Variants in AK9 observed in about 807,000 individuals in gnomAD.
AK9 encodes adenylate kinase domain containing 1.
Under a neutral mutation model 239.6 loss-of-function variants are expected in AK9, and 191 were observed. That is an observed-to-expected ratio of 0.80 (90% CI 0.71 to 0.90). The LOEUF is 0.90. Ranked by LOEUF, AK9 falls within the 40% of genes least tolerant of loss-of-function variation. The pLI, the probability that AK9 is intolerant of heterozygous loss-of-function variation, is 0.00. For missense variants in AK9, 1,995 were observed against 2,214.7 expected (o/e 0.90, Z 1.99); for synonymous variants, 689 against 721.0 (o/e 0.96, Z 0.71).
At chr6:109,629,888 C>T (rs1241096673) in intron 12 of AK9, among the ~76,000 whole-genome samples, 1 of 152,126 alleles carries the variant, frequency 6.6e-6, no homozygotes, top group Non-Finnish European at 1.5e-5. Flanking sequence ...CCGCCTCGGC[C>T]TCCCAACGTG....
rs189896751 is a variant in AK9, at chr6:109,525,129, C to T, written c.3633+3882G>A. Among the ~76,000 whole-genome samples the T allele has an allele frequency of 1.1e-3, 174 of 152,230 alleles. 2 individuals carry two copies. The highest frequency in any genetic ancestry group is 3.4e-3 in the Middle Eastern group (1 of 294). ...CCATTTATTTACTAGGGAGTCATTTCCCCATTGCTTGTTATTGTCGACCTT... is the reference window on the plus strand; with the variant it reads ...CCATTTATTTACTAGGGAGTCATTTTCCCATTGCTTGTTATTGTCGACCTT... On this transcript the variant is annotated intron_variant, in intron 29 of 40. Coordinates refer to ENST00000424296, the MANE Select transcript of AK9 (RefSeq NM_001145128.3).
chr6:109,579,990 CTGTA>C (rs1404417699), intron 19 of AK9, among the ~76,000 whole-genome samples: 1 of 151,998 alleles, frequency 6.6e-6, no homozygotes, highest in Non-Finnish European at 1.5e-5. Context: ...AAATATAAAA[CTGTA>C]TGTATAATAT....
At chr6:109,581,906 TG>T (rs1788911559) in intron 19 of AK9, among the ~76,000 whole-genome samples, 1 of 152,194 alleles carries the variant, frequency 6.6e-6, no homozygotes, top group South Asian at 2.1e-4. Flanking sequence ...ATTAAGGGCT[TG>T]TGCAGCTGGT....
intron 29 of AK9, among the ~76,000 whole-genome samples, chr6:109,525,201 C>T (rs1316332841): frequency 5.3e-5 from 8 of 152,108 alleles, no homozygotes; most frequent in African/African-American, 1.9e-4. Flanking sequence ...TTCTGAGTTC[C>T]ATTGCTCTAT....
chr6:109,584,281 T>C (rs983280623), intron 19 of AK9, among the ~76,000 whole-genome samples: 7 of 152,044 alleles, frequency 4.6e-5, no homozygotes, highest in African/African-American at 1.7e-4. Context: ...AGAGCTCTCC[T>C]AAGTCTCAGC....
At chr6:109,572,246 C>T (rs1204375778) in intron 21 of AK9, among the ~76,000 whole-genome samples, 1 of 152,226 alleles carries the variant, frequency 6.6e-6, no homozygotes, top group Non-Finnish European at 1.5e-5. Flanking sequence ...TCCCTCAACC[C>T]CCCTCTCGTC....
intron 8 of AK9, among the ~76,000 whole-genome samples, chr6:109,648,612 CAA>C (rs957962829): frequency 6.6e-6 from 1 of 152,120 alleles, no homozygotes; most frequent in Non-Finnish European, 1.5e-5. Flanking sequence ...GCTTACCAAA[CAA>C]AAAGAGTCCA....
intron 29 of AK9, chr6:109,528,214 G>T (rs899800643): frequency 3.1e-6 from 1 of 324,342 alleles, no homozygotes; most frequent in South Asian, 2.5e-5. Context: ...ACTCCCAAGG[G>T]CTTAAAGTAG....
chr6:109,562,303 G>A (rs1785877713), intron 24 of AK9, among the ~76,000 whole-genome samples: 1 of 152,010 alleles, frequency 6.6e-6, no homozygotes, highest in Non-Finnish European at 1.5e-5. Context: ...TACCATTAAT[G>A]TATATTTCAT....
chr6:109,663,580 A>G (rs1800748051), intron 5 of AK9, among the ~76,000 whole-genome samples: 1 of 152,186 alleles, frequency 6.6e-6, no homozygotes, highest in South Asian at 2.1e-4. Context: ...TTTCTTGATG[A>G]GAGTGGTGGT....
In AK9 at chr6:109,516,649, A is replaced by T; in HGVS notation, c.3634-7T>A. Reference sequence around the variant, plus strand: ...CATCATCTCTAACAACATTCTAAGGAAGAAAATATTCCCTTTTACTATACA... The same window carrying T: ...CATCATCTCTAACAACATTCTAAGGTAGAAAATATTCCCTTTTACTATACA... On this transcript the variant is annotated splice_region_variant and splice_polypyrimidine_tract_variant and intron_variant, in intron 29 of 40. Coordinates refer to ENST00000424296, the MANE Select transcript of AK9 (RefSeq NM_001145128.3). 1 of 1,542,558 alleles carries T rather than the reference A, an allele frequency of 6.5e-7. No homozygotes were observed. The highest frequency in any genetic ancestry group is 1.2e-5 in the South Asian group (1 of 83,902).
intron 2 of AK9, 133 bp downstream of exon 2, chr6:109,675,496 A>G (rs746879101): frequency 6.2e-5 from 35 of 562,276 alleles, no homozygotes; most frequent in Non-Finnish European, 9.9e-5. Flanking sequence ...GCAGATTTTA[A>G]GTCATATAAT....
At chr6:109,588,079 T>G (rs1193954120) in intron 17 of AK9, among the ~76,000 whole-genome samples, 1 of 149,898 alleles carries the variant, frequency 6.7e-6, no homozygotes, top group Non-Finnish European at 1.5e-5. Flanking sequence ...GCTGCCTTCT[T>G]TTTTTTTTTG....
Position 109,550,004 on chromosome 6 carries a change from C to A in AK9, c.2964+86G>T. 13 of 1,384,850 alleles carry A rather than the reference C, an allele frequency of 9.4e-6. No homozygotes were observed. In the South Asian group the frequency reaches 1.6e-4, roughly 17 times the overall value. The allele number at this position is 1,384,850 out of a possible 1,614,324, so 85.8% of individuals were successfully genotyped here. Reference sequence around the variant, plus strand: ...TATTGTAATATCAGATTGGGGATTTCACCCTTAAGTAAATTGATGGTGATT... The same window carrying A: ...TATTGTAATATCAGATTGGGGATTTAACCCTTAAGTAAATTGATGGTGATT... On this transcript the variant is annotated intron_variant, in intron 25 of 40. Transcript: ENST00000424296.
At chr6:109,527,028 T>C (rs1274052364) in intron 29 of AK9, among the ~76,000 whole-genome samples, 1 of 152,098 alleles carries the variant, frequency 6.6e-6, no homozygotes, top group Non-Finnish European at 1.5e-5. Flanking sequence ...TGTGCTCACT[T>C]GCTCCCCGGG....
chr6:109,533,535 T>A, intron 27 of AK9, 65 bp from the exon 28 acceptor site: 1 of 1,290,766 alleles, frequency 7.7e-7, no homozygotes, highest in Non-Finnish European at 1.1e-6. Context: ...GTTCATTAAT[T>A]TGACTGTAAT....
At chr6:109,516,122 C>T in intron 30 of AK9, 47 bp from the exon 31 acceptor site, 1 of 1,458,758 alleles carries the variant, frequency 6.9e-7, no homozygotes, top group Non-Finnish European at 9.3e-7. Context: ...GAGAAAAAGG[C>T]TGGTAGTATT....
At chr6:109,675,481 T>C (rs1248215218) in intron 2 of AK9, 148 bp downstream of exon 2, 1 of 536,212 alleles carries the variant, frequency 1.9e-6, no homozygotes, top group Non-Finnish European at 3.2e-6. Flanking sequence ...ATAACCAATA[T>C]TATGGCAGAT....
In AK9 at chr6:109,563,609, C is replaced by A. The variant is rs1348839139; in HGVS notation, c.2739G>T (p.Glu913Asp). ...AAAAGAATCATGCCTCTTCCTCTTCCTCTTCCTCTAGCTCCTCATCAACCT... is the reference window on the plus strand; with the variant it reads ...AAAAGAATCATGCCTCTTCCTCTTCATCTTCCTCTAGCTCCTCATCAACCT... ...EAEVDEELEEEEEEEGEDKMK... is the reference protein window; with the variant it reads ...EAEVDEELEEDEEEEGEDKMK... The change falls in exon 24 of 41, where the codon GAG becomes GAT. Residue 913 changes from glutamate to aspartate, a missense_variant. Transcript: ENST00000424296. 6.4e-7 allele frequency: 1 copy of A among 1,551,216 alleles called. No homozygotes were observed. Among genetic ancestry groups the A allele is most frequent in the Admixed American group, 2.0e-5 (1 of 50,972 alleles).
Sources: gnomAD v4.1 joint callset for allele counts (sites outside exome capture counted in the v4.1 genomes callset) on GRCh38, gnomAD v4.1.1 for gene constraint, MANE v1.5 for transcripts, NCBI Gene and HGNC (gene_info 2026-07-23, HGNC 2026-07-21) for gene names.